The following C3orf49 variants were observed in gnomAD, a reference collection of about 807,000 sequenced individuals.
C3orf49 encodes putative uncharacterized protein C3orf49.
C3orf49 carries 27 observed loss-of-function variants against 13.3 expected under a neutral mutation model. The ratio of observed to expected loss-of-function variants is 2.02; its 90% CI spans 1.49 to 2.79. The LOEUF (loss-of-function observed/expected upper bound fraction) is 2.79, where lower values mean the gene tolerates loss of function less well. Ranked by LOEUF, C3orf49 falls within the 30% of genes most tolerant of loss-of-function variation. C3orf49 has a pLI of 0.00. For missense variants in C3orf49, 242 were observed against 134.2 expected, an observed-to-expected ratio of 1.80 and a Z score of -3.97; for synonymous variants, 87 against 47.6, an observed-to-expected ratio of 1.83 and a Z score of -3.40.
chr3:63,817,290 T>C (rs1442644666), upstream of C3orf49, among the ~76,000 whole-genome samples: 3 of 152,122 alleles, frequency 2.0e-5, no homozygotes, highest in African/African-American at 7.2e-5. Flanking sequence ...CTCTTTTACT[T>C]TTTTCATAAC....
Position 63,819,423 on chromosome 3 carries a change from C to A in C3orf49, c.-49C>A. Reference sequence around the variant, plus strand: ...GATTTTGTATTGAAGTCTGTAAGTTCAAGAACTAAAACAATCCAAAACGGC... The same window carrying A: ...GATTTTGTATTGAAGTCTGTAAGTTAAAGAACTAAAACAATCCAAAACGGC... On this transcript the variant is annotated 5_prime_UTR_variant, in exon 1 of 7. Coordinates refer to ENST00000295896, the MANE Select transcript of C3orf49 (RefSeq NM_001355236.2). 1 of 694,188 alleles carries A rather than the reference C, an allele frequency of 1.4e-6. No homozygotes were observed. Among genetic ancestry groups the A allele is most frequent in the South Asian group, 1.5e-5 (1 of 66,590 alleles). The allele number at this position is 694,188 out of a possible 1,614,324, so 43.0% of individuals were successfully genotyped here. A position where few individuals can be genotyped will look rare whatever the true frequency, so the allele number is the denominator to read the frequency against.
At chr3:63,799,298 G>A in the C3orf49 span, among the ~76,000 whole-genome samples, 2 of 152,148 alleles carry the variant, frequency 1.3e-5, no homozygotes, top group East Asian at 1.9e-4. Flanking sequence ...AATTATTCAA[G>A]TGTACTCAAT....
At chr3:63,831,308 A>G (rs565993566) in intron 4 of C3orf49, 85 bp downstream of exon 4, 19 of 650,718 alleles carry the variant, frequency 2.9e-5, no homozygotes, top group Non-Finnish European at 5.2e-5. Context: ...GCTAGACAGC[A>G]TGGGTGTGGG....
intron 3 of C3orf49, among the ~76,000 whole-genome samples, chr3:63,828,609 T>C (rs1220221222): frequency 7.9e-5 from 12 of 152,184 alleles, no homozygotes; most frequent in Admixed American, 7.9e-4. Flanking sequence ...CATGTATGTA[T>C]GTTTGATCCT....
At chr3:63,799,401 T>C in the C3orf49 span, among the ~76,000 whole-genome samples, 1 of 152,176 alleles carries the variant, frequency 6.6e-6, no homozygotes, top group Admixed American at 6.6e-5. Context: ...CTGGAGCAAG[T>C]ATCCAATAGC....
chr3:63,789,810 CAA>C, the C3orf49 span, among the ~76,000 whole-genome samples: 8 of 49,660 alleles, frequency 1.6e-4, no homozygotes, highest in Non-Finnish European at 2.3e-4. Flanking sequence ...GACTCTGTCT[CAA>C]AAAAAAAAAA....
At chr3:63,801,334 A>G in the C3orf49 span, among the ~76,000 whole-genome samples, 1 of 152,018 alleles carries the variant, frequency 6.6e-6, no homozygotes, top group Non-Finnish European at 1.5e-5. Context: ...GATGAGAAAG[A>G]GAGAAAGTGA....
rs1047320849 is a variant in C3orf49 at position 63,827,662 on chromosome 3, C to T, written c.507C>T (p.Leu169=). ...AGGAGATAACCCAGGGAAACACACTCCTTCGGGCCAGGAGAACCACCAAGC... is the reference window on the plus strand; with the variant it reads ...AGGAGATAACCCAGGGAAACACACTTCTTCGGGCCAGGAGAACCACCAAGC... The part of the protein sequence containing the change: ...ETEEITQGNT[L]LRARRTTKRL... The change falls in exon 3 of 7, where the codon CTC becomes CTT. Residue 169 remains leucine, a synonymous_variant. Coordinates refer to ENST00000295896, the MANE Select transcript of C3orf49 (RefSeq NM_001355236.2). 2 of 703,218 alleles carry T rather than the reference C, an allele frequency of 2.8e-6. No individual in the cohort carries two copies. The highest frequency in any genetic ancestry group is 5.2e-6 in the Non-Finnish European group (2 of 385,048). 43.6% of individuals were successfully genotyped at this position (703,218 alleles called of 1,614,324 possible).
intron 6 of C3orf49, chr3:63,846,192 T>G (rs1303565134): frequency 2.9e-5 from 13 of 452,518 alleles, no homozygotes; most frequent in Non-Finnish European, 5.3e-5. Flanking sequence ...ATATTCAGTC[T>G]GCTTTGTCTG....
At chr3:63,782,252 A>C in the C3orf49 span, among the ~76,000 whole-genome samples, 1 of 152,194 alleles carries the variant, frequency 6.6e-6, no homozygotes, top group East Asian at 1.9e-4. Context: ...ATTTGCTTTC[A>C]GTTTTTAAGA....
the C3orf49 span, among the ~76,000 whole-genome samples, chr3:63,781,307 C>T: frequency 1.1e-4 from 16 of 151,108 alleles, no homozygotes; most frequent in South Asian, 2.1e-4. Flanking sequence ...TGTAGATATG[C>T]GGCATTATGT....
At chr3:63,842,503 G>A (rs1701787749) in intron 5 of C3orf49, among the ~76,000 whole-genome samples, 1 of 152,182 alleles carries the variant, frequency 6.6e-6, no homozygotes, top group African/African-American at 2.4e-5. Flanking sequence ...ATACACCATG[G>A]AATACTACTC....
chr3:63,818,827 T>G (rs2107089860), upstream of C3orf49, among the ~76,000 whole-genome samples: 1 of 152,254 alleles, frequency 6.6e-6, no homozygotes, highest in Middle Eastern at 3.4e-3. Flanking sequence ...GGTCCTCAAT[T>G]TAGCAATGTA....
At chr3:63,796,567 T>A in the C3orf49 span, among the ~76,000 whole-genome samples, 1 of 152,162 alleles carries the variant, frequency 6.6e-6, no homozygotes, top group African/African-American at 2.4e-5. Flanking sequence ...GTCAGCAACA[T>A]TCTACCCCAA....
chr3:63,822,052 T>C (rs1180004768), intron 1 of C3orf49, among the ~76,000 whole-genome samples: 4 of 152,090 alleles, frequency 2.6e-5, no homozygotes, highest in African/African-American at 4.8e-5. Flanking sequence ...CTCGGCTCAC[T>C]GCAAGCTCTG....
chr3:63,794,743 C>G, the C3orf49 span, among the ~76,000 whole-genome samples: 2 of 152,114 alleles, frequency 1.3e-5, no homozygotes, highest in Non-Finnish European at 2.9e-5. Flanking sequence ...GATCTCAGTT[C>G]TCATCTCCCT....
At chr3:63,829,173 C>T (rs998113133) in intron 3 of C3orf49, among the ~76,000 whole-genome samples, 7 of 152,030 alleles carry the variant, frequency 4.6e-5, no homozygotes, top group Non-Finnish European at 8.8e-5. Context: ...GTGCTAGGTT[C>T]GTATTCATTT....
the C3orf49 span, among the ~76,000 whole-genome samples, chr3:63,802,484 T>C: frequency 2.0e-5 from 3 of 152,228 alleles, no homozygotes; most frequent in African/African-American, 7.2e-5. Flanking sequence ...TCTGCAGGTG[T>C]ACTTGCTTGT....
At chr3:63,838,437 G>C (rs903152885) in intron 5 of C3orf49, 3 of 1,608,580 alleles carry the variant, frequency 1.9e-6, no homozygotes, top group Middle Eastern at 3.3e-4. Flanking sequence ...TACTAGTAAA[G>C]TTTTGCCCAT....
Sources: gnomAD v4.1 joint callset for allele counts (sites outside exome capture counted in the v4.1 genomes callset) on GRCh38, gnomAD v4.1.1 for gene constraint, MANE v1.5 for transcripts, NCBI Gene and HGNC (gene_info 2026-07-23, HGNC 2026-07-21) for gene names.